The following IL1RAPL1 variants were observed in gnomAD, a reference collection of about 807,000 sequenced individuals.
The protein encoded by IL1RAPL1 is interleukin-1 receptor accessory protein-like 1.
IL1RAPL1 carries 3 observed loss-of-function variants against 48.4 expected under a neutral mutation model. The ratio of observed to expected loss-of-function variants is 0.06; its 90% CI spans 0.03 to 0.16. The LOEUF is 0.16. IL1RAPL1 is among the 10% of genes least tolerant of loss of function. The pLI is 1.00. For synonymous variants in IL1RAPL1, 185 were observed against 187.7 expected (o/e 0.99, Z 0.12); for missense variants, 349 against 530.6 (o/e 0.66, Z 3.36).
intron 3 of IL1RAPL1, among the ~76,000 whole-genome samples, chrX:29,384,267 A>C (rs1337154799): frequency 3.6e-5 from 4 of 111,579 alleles, no homozygotes; most frequent in Non-Finnish European, 7.5e-5. Context: ...CCTATATATG[A>C]AGGGACAAAG....
chrX:28,950,032 G>A (rs2147354389), intron 2 of IL1RAPL1, among the ~76,000 whole-genome samples: 1 of 108,982 alleles, frequency 9.2e-6, no homozygotes, highest in South Asian at 4.0e-4. Context: ...TGTCCTGAAT[G>A]GTAATGCCTA....
At chrX:29,898,806 G>A (rs982642039) in intron 6 of IL1RAPL1, among the ~76,000 whole-genome samples, 6 of 111,938 alleles carry the variant, frequency 5.4e-5, no homozygotes, top group African/African-American at 1.6e-4. Flanking sequence ...TTAGAGAGTT[G>A]CTAGTATTAA....
At chrX:28,917,484 A>T (rs777252236) in intron 2 of IL1RAPL1, among the ~76,000 whole-genome samples, 1 of 112,066 alleles carries the variant, frequency 8.9e-6, no homozygotes, top group African/African-American at 3.2e-5. Context: ...CCTAGTGCCT[A>T]AATGAAATTT....
At chrX:28,749,590 G>T (rs1236685606) in intron 1 of IL1RAPL1, among the ~76,000 whole-genome samples, 2 of 111,036 alleles carry the variant, frequency 1.8e-5, no homozygotes, top group African/African-American at 6.5e-5. Flanking sequence ...AAGGTATTTT[G>T]CCCATTTTAA....
intron 6 of IL1RAPL1, among the ~76,000 whole-genome samples, chrX:29,866,299 A>G (rs967805301): frequency 3.6e-5 from 4 of 111,574 alleles, no homozygotes; most frequent in Admixed American, 9.5e-5. Flanking sequence ...GCCAGGAGTA[A>G]ATTAATGCAT....
At chrX:29,718,160 G>T (rs1261248678) in intron 6 of IL1RAPL1, among the ~76,000 whole-genome samples, 1 of 111,423 alleles carries the variant, frequency 9.0e-6, no homozygotes, top group Non-Finnish European at 1.9e-5. Flanking sequence ...GGTGTATGTT[G>T]TTTGTTGAGG....
intron 5 of IL1RAPL1, among the ~76,000 whole-genome samples, chrX:29,640,335 T>C (rs1925128751): frequency 9.0e-6 from 1 of 111,534 alleles, no homozygotes; most frequent in Non-Finnish European, 1.9e-5. Flanking sequence ...AGTGGGGCCC[T>C]CACTCCACAG....
chrX:29,448,401 T>C (rs1269255150), intron 5 of IL1RAPL1, among the ~76,000 whole-genome samples: 2 of 112,086 alleles, frequency 1.8e-5, no homozygotes, highest in African/African-American at 6.5e-5. Flanking sequence ...ATTACAGAGA[T>C]TGAGTATAGT....
At chrX:29,433,852 C>CCTTATTAATT (rs1934449930) in intron 5 of IL1RAPL1, among the ~76,000 whole-genome samples, 1 of 108,796 alleles carries the variant, frequency 9.2e-6, no homozygotes, top group African/African-American at 3.3e-5. Flanking sequence ...TCTTTGTAGT[C>CCTTATTAATT]CTTATTAATT....
intron 2 of IL1RAPL1, among the ~76,000 whole-genome samples, chrX:29,122,929 G>A (rs1928824606): frequency 9.0e-6 from 1 of 111,319 alleles, no homozygotes; most frequent in Admixed American, 9.6e-5. Flanking sequence ...AGAAGAATAG[G>A]CAATCTTGGA....
At chrX:29,466,665 T>C (rs1462967679) in intron 5 of IL1RAPL1, among the ~76,000 whole-genome samples, 1 of 112,322 alleles carries the variant, frequency 8.9e-6, no homozygotes, top group Non-Finnish European at 1.9e-5. Flanking sequence ...CAGCCACTGT[T>C]AAACTTCGAG....
At chrX:28,919,674 A>G (rs1236245552) in intron 2 of IL1RAPL1, among the ~76,000 whole-genome samples, 2 of 112,120 alleles carry the variant, frequency 1.8e-5, no homozygotes, top group African/African-American at 3.2e-5. Context: ...AAAGCCATCT[A>G]TGAAAAATGG....
chrX:28,628,156 T>A (rs1173726120), intron 1 of IL1RAPL1, among the ~76,000 whole-genome samples: 2 of 111,274 alleles, frequency 1.8e-5, no homozygotes, highest in Non-Finnish European at 3.8e-5. Context: ...CTGGGTTTGC[T>A]TTTATCTGAT....
At chrX:28,868,247 A>G (rs756877426) in intron 2 of IL1RAPL1, among the ~76,000 whole-genome samples, 1 of 111,498 alleles carries the variant, frequency 9.0e-6, no homozygotes, top group Non-Finnish European at 1.9e-5. Flanking sequence ...AAGTAGAGAC[A>G]GATCAATTTG....
intron 6 of IL1RAPL1, among the ~76,000 whole-genome samples, chrX:29,771,184 C>T (rs1288848014): frequency 2.7e-5 from 3 of 111,733 alleles, no homozygotes; most frequent in Non-Finnish European, 5.6e-5. Flanking sequence ...AAAATATGTC[C>T]CCCTTTGATT....
In IL1RAPL1 at chrX:29,418,089, TAA is replaced by T. The variant is rs1491492617; in HGVS notation, c.703+18782_703+18783del. 9.8e-3 allele frequency among the ~76,000 whole-genome samples: 513 copies of T among 52,284 alleles called. 3 individuals are homozygous for T. Among genetic ancestry groups the T allele is most frequent in the Non-Finnish European group, 0.014 (402 of 28,549 alleles). The allele number at this position is 52,284 out of a possible 115,157, so 45.4% of individuals were successfully genotyped here. On this transcript the variant is annotated intron_variant, in intron 5 of 10. Coordinates refer to ENST00000378993, the MANE Select transcript of IL1RAPL1 (RefSeq NM_014271.4). ...GAGAAACGTGTTCTTTTTAAAAAAG[TAA>T]TATATATATATATATATATATATAT...
At chrX:29,751,692 A>T (rs751125890) in intron 6 of IL1RAPL1, among the ~76,000 whole-genome samples, 3 of 110,757 alleles carry the variant, frequency 2.7e-5, no homozygotes, top group Non-Finnish European at 5.7e-5. Flanking sequence ...GTGTTTTGGG[A>T]GGCCGAGGTG....
intron 2 of IL1RAPL1, among the ~76,000 whole-genome samples, chrX:28,830,729 A>T (rs1009848355): frequency 4.5e-5 from 5 of 109,914 alleles, no homozygotes; most frequent in African/African-American, 1.0e-4. Flanking sequence ...TGTGTCTCAA[A>T]TTTTTTTTGT....
At chrX:29,610,998 T>C (rs141964252) in intron 5 of IL1RAPL1, among the ~76,000 whole-genome samples, 1,775 of 112,215 alleles carry the variant, frequency 0.016, 41 homozygotes, top group African/African-American at 0.055. Flanking sequence ...CTATATATTG[T>C]GACTTACTTT....
Sources: gnomAD v4.1 joint callset for allele counts (sites outside exome capture counted in the v4.1 genomes callset) on GRCh38, gnomAD v4.1.1 for gene constraint, MANE v1.5 for transcripts, NCBI Gene and HGNC (gene_info 2026-07-23, HGNC 2026-07-21) for gene names.